KHDRBS2: variants seen among roughly 807,000 people sequenced by gnomAD.
KHDRBS2 encodes the protein KH domain-containing, RNA-binding, signal transduction-associated protein 2.
A neutral mutation model predicts 44.3 loss-of-function variants in KHDRBS2; 26 were observed. The ratio of observed to expected loss-of-function variants is 0.59; its 90% CI spans 0.43 to 0.81. The LOEUF is 0.81. Ranked by LOEUF, KHDRBS2 falls within the 40% of genes least tolerant of loss-of-function variation. The pLI is 0.00. For missense variants in KHDRBS2, 476 were observed against 433.1 expected (o/e 1.10, Z -0.88); for synonymous variants, 194 against 151.1 (o/e 1.28, Z -2.08).
intron 1 of KHDRBS2, among the ~76,000 whole-genome samples, chr6:62,206,787 C>G (rs1828048506): frequency 6.6e-6 from 1 of 151,924 alleles, no homozygotes; most frequent in African/African-American, 2.4e-5. Flanking sequence ...CTTACGTGGA[C>G]AGTATATGAG....
At chr6:62,178,065 G>A (rs1005207618) in intron 1 of KHDRBS2, among the ~76,000 whole-genome samples, 9 of 151,420 alleles carry the variant, frequency 5.9e-5, no homozygotes, top group African/African-American at 2.2e-4. Flanking sequence ...ATATTCTAAT[G>A]TGGAAAAGGA....
chr6:61,618,576 T>G, the KHDRBS2 span, among the ~76,000 whole-genome samples: 8 of 152,168 alleles, frequency 5.3e-5, no homozygotes, highest in Non-Finnish European at 1.0e-4. Context: ...TCCCAGGTAT[T>G]ACACCTTGTA....
chr6:61,706,515 C>T (rs144854067), intron 7 of KHDRBS2, among the ~76,000 whole-genome samples: 1 of 151,782 alleles, frequency 6.6e-6, no homozygotes, highest in East Asian at 2.0e-4. Flanking sequence ...GGTAATGAGG[C>T]TTGGGTTTAA....
chr6:61,651,483 G>A, the KHDRBS2 span, among the ~76,000 whole-genome samples: 2 of 152,066 alleles, frequency 1.3e-5, no homozygotes, highest in Non-Finnish European at 2.9e-5. Context: ...GAGGTCAGGT[G>A]TGAAATTTTC....
At chr6:61,619,494 G>C in the KHDRBS2 span, among the ~76,000 whole-genome samples, 1 of 151,948 alleles carries the variant, frequency 6.6e-6, no homozygotes, top group African/African-American at 2.4e-5. Context: ...CACTCTTGTT[G>C]CCCAGGCTGG....
the KHDRBS2 span, among the ~76,000 whole-genome samples, chr6:61,633,072 G>C: frequency 2.6e-5 from 4 of 152,054 alleles, no homozygotes; most frequent in Non-Finnish European, 5.9e-5. Context: ...TTCAGAATTT[G>C]ACAAAGTGTG....
intron 2 of KHDRBS2, among the ~76,000 whole-genome samples, chr6:62,071,252 A>G (rs890083603): frequency 3.3e-5 from 5 of 152,102 alleles, no homozygotes; most frequent in Non-Finnish European, 7.4e-5. Flanking sequence ...CCTTTGTCAG[A>G]TGAGTAGATT....
rs558162750 is a variant in KHDRBS2, at chr6:61,773,075, A to G, written c.811-40311T>C. On this transcript the variant is annotated intron_variant, in intron 6 of 8. Transcript: ENST00000281156. ...TTTGGGTTGGTTCCAAGTCTTTGCT[A>G]TTGTGAATAGTGCCACAATAAACAT... Among the ~76,000 whole-genome samples, 244 of 152,246 alleles carry G rather than the reference A, an allele frequency of 1.6e-3. 1 individual carries two copies. The highest frequency in any genetic ancestry group is 3.0e-3 in the Non-Finnish European group (205 of 68,018).
intron 1 of KHDRBS2, among the ~76,000 whole-genome samples, chr6:62,255,265 T>C (rs2150177629): frequency 6.6e-6 from 1 of 152,184 alleles, no homozygotes; most frequent in East Asian, 1.9e-4. Context: ...ATCTGATCTA[T>C]AATGTGTTAC....
chr6:61,932,629 T>A (rs925663679), intron 4 of KHDRBS2, among the ~76,000 whole-genome samples: 11 of 151,942 alleles, frequency 7.2e-5, no homozygotes, highest in African/African-American at 2.7e-4. Flanking sequence ...TGAAAACCCA[T>A]CTCTCTAAAA....
chr6:61,861,820 C>T (rs1472324736), intron 6 of KHDRBS2, among the ~76,000 whole-genome samples: 6 of 152,072 alleles, frequency 3.9e-5, no homozygotes, highest in African/African-American at 1.2e-4. Flanking sequence ...ATCATTTTCA[C>T]GATAGTGATC....
intron 1 of KHDRBS2, among the ~76,000 whole-genome samples, chr6:62,198,810 C>T (rs912744175): frequency 3.3e-5 from 5 of 152,112 alleles, no homozygotes. Context: ...ACCAATATCC[C>T]TGATGAACAT....
chr6:61,669,637 T>A, the KHDRBS2 span, among the ~76,000 whole-genome samples: 1 of 150,872 alleles, frequency 6.6e-6, no homozygotes, highest in Non-Finnish European at 1.5e-5. Context: ...CAAGAAAAAA[T>A]AACTAACTTG....
intron 4 of KHDRBS2, among the ~76,000 whole-genome samples, chr6:61,932,575 C>G (rs1014908363): frequency 5.3e-5 from 8 of 152,008 alleles, no homozygotes; most frequent in Non-Finnish European, 8.8e-5. Context: ...CTGAGGCAGG[C>G]GGATCACGAG....
intron 6 of KHDRBS2, among the ~76,000 whole-genome samples, chr6:61,890,661 T>G (rs1206590534): frequency 6.6e-6 from 1 of 152,194 alleles, no homozygotes; most frequent in African/African-American, 2.4e-5. Context: ...GCTACACAGT[T>G]CCCCAAAGAT....
intron 4 of KHDRBS2, among the ~76,000 whole-genome samples, chr6:61,957,197 T>A (rs2089000): frequency 0.87 from 132,486 of 152,138 alleles, 58,194 homozygotes; most frequent in African/African-American, 0.97. Flanking sequence ...TCATCTTTGT[T>A]AGCTGAGGAG....
chr6:62,160,024 A>G (rs1182421328), intron 2 of KHDRBS2, among the ~76,000 whole-genome samples: 1 of 152,250 alleles, frequency 6.6e-6, no homozygotes, highest in East Asian at 1.9e-4. Context: ...ATCCTTTCAT[A>G]AAGTATTTAT....
chr6:62,102,196 T>C (rs1802050266), intron 2 of KHDRBS2, among the ~76,000 whole-genome samples: 1 of 152,206 alleles, frequency 6.6e-6, no homozygotes, highest in Non-Finnish European at 1.5e-5. Context: ...AACCCAAAGT[T>C]TTTAAATATA....
chr6:62,048,137 C>T, intron 2 of KHDRBS2, 143 bp from the exon 3 acceptor site: 1 of 593,834 alleles, frequency 1.7e-6, no homozygotes, highest in African/African-American at 1.9e-5. Context: ...CACACACACA[C>T]ACACACACAC....
Sources: allele counts gnomAD v4.1 joint callset (sites outside exome capture counted in the v4.1 genomes callset), GRCh38; gene constraint gnomAD v4.1.1; transcripts MANE v1.5; gene names NCBI Gene and HGNC (gene_info 2026-07-23, HGNC 2026-07-21).